The following SOX5 variants were observed in gnomAD, a reference collection of about 807,000 sequenced individuals.
SOX5 encodes the protein transcription factor SOX-5.
In SOX5, 9 loss-of-function variants were observed where a neutral mutation model predicts 92.0. The observed-to-expected ratio is 0.10, with a 90% CI of 0.06 to 0.17. SOX5 has a LOEUF of 0.17. SOX5 is among the 10% of genes least tolerant of loss of function. The probability of loss-of-function intolerance (pLI) is 1.00; values close to 1 mark genes in which losing one functional copy is unlikely to be tolerated. For synonymous variants in SOX5, 344 were observed against 336.3 expected (o/e 1.02, Z -0.25); for missense variants, 642 against 944.5 (o/e 0.68, Z 4.20).
chr12:24,154,579 C>T (rs1410913448), intron 4 of SOX5, among the ~76,000 whole-genome samples: 2 of 152,070 alleles, frequency 1.3e-5, no homozygotes, highest in African/African-American at 4.8e-5. Flanking sequence ...CCTAATAACT[C>T]ATTCAGTGCA....
At chr12:23,660,702 GT>G (rs2082920837) in intron 7 of SOX5, among the ~76,000 whole-genome samples, 1 of 120,988 alleles carries the variant, frequency 8.3e-6, no homozygotes, top group Non-Finnish European at 1.8e-5. Flanking sequence ...TAACTTCCAG[GT>G]TAAAAAAAAA....
At chr12:24,557,826 AG>A (rs1449736758) in intron 1 of SOX5, among the ~76,000 whole-genome samples, 1 of 152,228 alleles carries the variant, frequency 6.6e-6, no homozygotes, top group Non-Finnish European at 1.5e-5. Context: ...TTATACTTGT[AG>A]AATTCAATGC....
chr12:23,842,075 T>C (rs2096525350), intron 3 of SOX5, among the ~76,000 whole-genome samples: 1 of 151,900 alleles, frequency 6.6e-6, no homozygotes, highest in Admixed American at 6.6e-5. Context: ...CTGAATGGGG[T>C]AGGGGAAAAG....
At chr12:24,395,656 C>T (rs1212751950) in intron 1 of SOX5, among the ~76,000 whole-genome samples, 1 of 152,132 alleles carries the variant, frequency 6.6e-6, no homozygotes, top group East Asian at 1.9e-4. Flanking sequence ...TGGAAAGAAA[C>T]CATCAATAAA....
chr12:23,612,103 AT>A (rs1592569357), intron 8 of SOX5, among the ~76,000 whole-genome samples: 1 of 152,196 alleles, frequency 6.6e-6, no homozygotes, highest in East Asian at 1.9e-4. Context: ...GTTTAAAATT[AT>A]TTTTATACGT....
In SOX5 at chr12:23,533,284, T is replaced by G. The variant is rs1436438892; in HGVS notation, c.*935A>C. ...ACAAAAATCCAAGATCAGAAAATAT[T>G]TTTCTCTAAATTTCTTATGTCTCTC... On this transcript the variant is annotated 3_prime_UTR_variant, in exon 15 of 15. Coordinates refer to ENST00000451604, the MANE Select transcript of SOX5 (RefSeq NM_006940.6). 1 of 407,758 alleles carries G rather than the reference T, an allele frequency of 2.5e-6. No individual in the cohort carries two copies. Among genetic ancestry groups the G allele is most frequent in the Non-Finnish European group, 5.1e-6 (1 of 195,178 alleles). The allele number at this position is 407,758 out of a possible 1,614,324, so 25.3% of individuals were successfully genotyped here. A position where few individuals can be genotyped will look rare whatever the true frequency, so the allele number is the denominator to read the frequency against.
At chr12:24,206,584 T>C (rs1431292878) in intron 4 of SOX5, among the ~76,000 whole-genome samples, 2 of 151,152 alleles carry the variant, frequency 1.3e-5, no homozygotes, top group Non-Finnish European at 2.9e-5. Context: ...ATCAACCGCC[T>C]CCCCCCAAGA....
intron 4 of SOX5, among the ~76,000 whole-genome samples, chr12:24,101,564 C>T (rs1268264025): frequency 2.0e-5 from 3 of 152,100 alleles, no homozygotes; most frequent in Non-Finnish European, 4.4e-5. Flanking sequence ...CAGTTCCAGA[C>T]ACATAGTAGA....
intron 2 of SOX5, among the ~76,000 whole-genome samples, chr12:23,854,198 T>C (rs1196780187): frequency 6.6e-6 from 1 of 152,088 alleles, no homozygotes; most frequent in Admixed American, 6.6e-5. Flanking sequence ...CACATAGCAA[T>C]AAATGTAGTT....
At chr12:23,709,242 T>C (rs1483023198) in intron 6 of SOX5, among the ~76,000 whole-genome samples, 1 of 152,070 alleles carries the variant, frequency 6.6e-6, no homozygotes, top group African/African-American at 2.4e-5. Context: ...GTTGGGATTA[T>C]GGGTGAGTGC....
chr12:23,621,549 A>C (rs1373925047), intron 8 of SOX5, among the ~76,000 whole-genome samples: 1 of 152,084 alleles, frequency 6.6e-6, no homozygotes, highest in Non-Finnish European at 1.5e-5. Flanking sequence ...TCTCTACAAC[A>C]ATTTCCTCCT....
At chr12:23,942,634 T>C (rs1200149093) in intron 1 of SOX5, among the ~76,000 whole-genome samples, 1 of 146,054 alleles carries the variant, frequency 6.8e-6, no homozygotes, top group Non-Finnish European at 1.5e-5. Context: ...ACTGCCAATA[T>C]CAAAATCATA....
Position 23,830,887 on chromosome 12 carries a change from A to G in SOX5, c.481+15096T>C, listed in dbSNP as rs11047121. ...AGACATTTAAATTATAAGAACAAGCATTGTGATTTATAATGTAAACTCAAA... is the reference window on the plus strand; with the variant it reads ...AGACATTTAAATTATAAGAACAAGCGTTGTGATTTATAATGTAAACTCAAA... On this transcript the variant is annotated intron_variant, in intron 3 of 14. Coordinates refer to ENST00000451604, the MANE Select transcript of SOX5 (RefSeq NM_006940.6). Among the ~76,000 whole-genome samples, 102 of 152,308 alleles carry G rather than the reference A, an allele frequency of 6.7e-4. 1 individual carries two copies. The East Asian group carries it at 0.019, about 28-fold the overall frequency.
intron 2 of SOX5, among the ~76,000 whole-genome samples, chr12:23,870,653 A>G (rs1393996502): frequency 6.6e-6 from 1 of 152,112 alleles, no homozygotes; most frequent in Non-Finnish European, 1.5e-5. Flanking sequence ...CAATCCCATA[A>G]TAACTATTCA....
rs12312851 is a variant in SOX5, at chr12:23,698,755, C to T, written c.811-33191G>A. 3.3e-3 allele frequency among the ~76,000 whole-genome samples: 502 copies of T among 151,996 alleles called. 2 individuals are homozygous for T. The highest frequency in any genetic ancestry group is 0.011 in the African/African-American group (468 of 41,472). ...TTTGTAATCTATTTGGGGGGTTGTT[C>T]TGGGGTTCACTGAATTTATCTGGAA... is the stretch of plus-strand genomic sequence containing the variant. On this transcript the variant is annotated intron_variant, in intron 6 of 14. Transcript: ENST00000451604.
chr12:23,601,121 GCA>G (rs2074439966), intron 9 of SOX5, among the ~76,000 whole-genome samples: 1 of 151,892 alleles, frequency 6.6e-6, no homozygotes, highest in Non-Finnish European at 1.5e-5. Flanking sequence ...TCTCTCTCGC[GCA>G]CACACTCCCC....
At chr12:23,570,621 C>T (rs1376361321) in intron 10 of SOX5, among the ~76,000 whole-genome samples, 3 of 151,424 alleles carry the variant, frequency 2.0e-5, no homozygotes, top group African/African-American at 4.9e-5. Flanking sequence ...TAAAAAAATA[C>T]AAAAATTGGT....
At chr12:23,898,345 G>A (rs1442410906) in intron 1 of SOX5, among the ~76,000 whole-genome samples, 1 of 152,094 alleles carries the variant, frequency 6.6e-6, no homozygotes, top group Non-Finnish European at 1.5e-5. Flanking sequence ...GTATTCTGGT[G>A]TCTGCCTCAG....
intron 3 of SOX5, among the ~76,000 whole-genome samples, chr12:24,265,916 C>T (rs1942935914): frequency 6.6e-6 from 1 of 152,044 alleles, no homozygotes; most frequent in Admixed American, 6.6e-5. Flanking sequence ...TCTTATATTT[C>T]TTGACACAAG....
Sources: gnomAD v4.1 joint callset for allele counts (sites outside exome capture counted in the v4.1 genomes callset) on GRCh38, gnomAD v4.1.1 for gene constraint, MANE v1.5 for transcripts, NCBI Gene and HGNC (gene_info 2026-07-23, HGNC 2026-07-21) for gene names.